Variants in STXBP5L observed in about 807,000 individuals in gnomAD.
The protein encoded by STXBP5L is syntaxin binding protein 5L.
STXBP5L carries 65 observed loss-of-function variants against 144.5 expected under a neutral mutation model. The ratio of observed to expected loss-of-function variants is 0.45; its 90% CI spans 0.37 to 0.55. The LOEUF (loss-of-function observed/expected upper bound fraction) is 0.55, where lower values mean the gene tolerates loss of function less well. Ranked by LOEUF, STXBP5L falls within the 20% of genes least tolerant of loss-of-function variation. The probability of loss-of-function intolerance (pLI) is 0.00; values close to 1 mark genes in which losing one functional copy is unlikely to be tolerated. For synonymous variants in STXBP5L, 505 were observed against 469.6 expected (o/e 1.08, Z -0.97); for missense variants, 1,298 against 1,405.5 (o/e 0.92, Z 1.22).
intron 9 of STXBP5L, among the ~76,000 whole-genome samples, chr3:121,161,839 G>C (rs1015632601): frequency 2.0e-5 from 3 of 152,038 alleles, no homozygotes; most frequent in African/African-American, 2.4e-5. Context: ...ATTTTGCTCA[G>C]AAGCAGGACA....
chr3:121,137,180 T>C (rs540183118), intron 7 of STXBP5L, among the ~76,000 whole-genome samples: 108 of 152,192 alleles, frequency 7.1e-4, no homozygotes, highest in Non-Finnish European at 7.4e-4. Flanking sequence ...CCTGATAACA[T>C]GCAATTTCCC....
intron 20 of STXBP5L, among the ~76,000 whole-genome samples, chr3:121,319,237 G>A (rs2043890527): frequency 6.6e-6 from 1 of 151,986 alleles, no homozygotes; most frequent in Non-Finnish European, 1.5e-5. Flanking sequence ...AAAATCATTA[G>A]GTATGTCTTT....
chr3:121,086,747 A>G (rs1273494196), intron 5 of STXBP5L, among the ~76,000 whole-genome samples: 2 of 152,072 alleles, frequency 1.3e-5, no homozygotes, highest in African/African-American at 2.4e-5. Context: ...ATGCTTAAAA[A>G]GTTTTGGATT....
At chr3:120,991,828 G>A (rs1036341728) in intron 3 of STXBP5L, among the ~76,000 whole-genome samples, 2 of 149,300 alleles carry the variant, frequency 1.3e-5, no homozygotes, top group Admixed American at 6.9e-5. Flanking sequence ...GGGGCAGGGG[G>A]GAGGGATAGC....
At chr3:121,365,623 AT>A (rs2045843975) in intron 20 of STXBP5L, among the ~76,000 whole-genome samples, 1 of 151,436 alleles carries the variant, frequency 6.6e-6, no homozygotes, top group Non-Finnish European at 1.5e-5. Flanking sequence ...TAATGTCCCC[AT>A]TTTCACTTCT....
At chr3:121,114,542 G>A (rs1439130551) in intron 5 of STXBP5L, among the ~76,000 whole-genome samples, 1 of 152,120 alleles carries the variant, frequency 6.6e-6, no homozygotes, top group Non-Finnish European at 1.5e-5. Flanking sequence ...AGTGAAAGAT[G>A]TTAATTTTGT....
At chr3:121,354,579 A>G (rs1224631174) in intron 20 of STXBP5L, among the ~76,000 whole-genome samples, 1 of 84,470 alleles carries the variant, frequency 1.2e-5, no homozygotes, top group Non-Finnish European at 2.2e-5. Flanking sequence ...TTTTTAGCTT[A>G]TGTGTGTCTT....
chr3:121,071,877 A>G (rs1450096355), intron 5 of STXBP5L, among the ~76,000 whole-genome samples: 2 of 152,212 alleles, frequency 1.3e-5, no homozygotes, highest in Non-Finnish European at 2.9e-5. Context: ...CATAGGGTGA[A>G]TACCCAGTTA....
intron 9 of STXBP5L, among the ~76,000 whole-genome samples, chr3:121,165,319 T>C (rs1009613073): frequency 3.3e-5 from 5 of 152,216 alleles, no homozygotes; most frequent in African/African-American, 1.2e-4. Context: ...ATGTTTTATC[T>C]GCATATATAT....
chr3:121,046,792 G>C (rs961082371), intron 5 of STXBP5L, among the ~76,000 whole-genome samples: 1 of 151,036 alleles, frequency 6.6e-6, no homozygotes, highest in Non-Finnish European at 1.5e-5. Context: ...TATTTCTTAT[G>C]TCAAAAAACC....
chr3:120,976,299 C>A (rs1406274785), intron 3 of STXBP5L, among the ~76,000 whole-genome samples: 1 of 152,128 alleles, frequency 6.6e-6, no homozygotes, highest in African/African-American at 2.4e-5. Flanking sequence ...AGGAATTTAT[C>A]CATTTTTCCT....
chr3:121,300,291 T>A (rs1169520481), intron 19 of STXBP5L, among the ~76,000 whole-genome samples: 5 of 151,914 alleles, frequency 3.3e-5, no homozygotes, highest in Non-Finnish European at 7.4e-5. Context: ...GTAAAGAAAA[T>A]TTTTAAAGCA....
At chr3:121,297,710 C>T (rs1280534690) in intron 19 of STXBP5L, among the ~76,000 whole-genome samples, 1 of 152,118 alleles carries the variant, frequency 6.6e-6, no homozygotes, top group African/African-American at 2.4e-5. Context: ...GCCAAAATCG[C>T]GCCACTGCAC....
intron 20 of STXBP5L, among the ~76,000 whole-genome samples, chr3:121,360,482 A>T (rs2045678673): frequency 6.6e-6 from 1 of 151,644 alleles, no homozygotes; most frequent in Admixed American, 6.6e-5. Flanking sequence ...TCCTTCTTTC[A>T]TTCCTGTCTT....
rs1425665362 is a variant in STXBP5L, at chr3:121,418,553, A to G, written c.3443A>G (p.His1148Arg). Reference protein sequence around the residue: ...TSAEAFSKHAHELMLKYKDKK... With the variant: ...TSAEAFSKHARELMLKYKDKK... Reference sequence around the variant, plus strand: ...GCAGAAGCATTTTCCAAACATGCACATGAGGTAAACTGCCTAAGTAAATAC... The same window carrying G: ...GCAGAAGCATTTTCCAAACATGCACGTGAGGTAAACTGCCTAAGTAAATAC... The change falls in exon 26 of 27, where the codon CAT (histidine) becomes CGT (arginine). Residue 1148 changes from histidine to arginine, a missense_variant. His to Arg is a conservative substitution (Grantham distance 29, BLOSUM62 0). Coordinates refer to ENST00000471454, the MANE Select transcript of STXBP5L (RefSeq NM_001308330.2). 1.2e-6 allele frequency: 2 copies of G among 1,613,740 alleles called. No homozygotes were observed. The highest frequency in any genetic ancestry group is 1.7e-6 in the Non-Finnish European group (2 of 1,179,894).
chr3:121,381,151 T>C (rs968639134), intron 21 of STXBP5L, 142 bp from the exon 22 acceptor site: 1 of 774,574 alleles, frequency 1.3e-6, no homozygotes, highest in Non-Finnish European at 1.9e-6. Flanking sequence ...GCTGGTGAAC[T>C]GGATAAGCTC....
chr3:120,927,800 C>G (rs1709714846), intron 2 of STXBP5L, among the ~76,000 whole-genome samples: 1 of 152,158 alleles, frequency 6.6e-6, no homozygotes, highest in African/African-American at 2.4e-5. Flanking sequence ...GGCAGTGAAA[C>G]AACTTTGGTT....
intron 3 of STXBP5L, among the ~76,000 whole-genome samples, chr3:121,019,519 C>T (rs1945392796): frequency 6.6e-6 from 1 of 152,156 alleles, no homozygotes; most frequent in Admixed American, 6.5e-5. Context: ...GAGTCCACTT[C>T]ACTCCCCTGC....
At chr3:120,963,882 G>C (rs1000352940) in intron 3 of STXBP5L, among the ~76,000 whole-genome samples, 10 of 152,138 alleles carry the variant, frequency 6.6e-5, no homozygotes, top group Admixed American at 1.3e-4. Flanking sequence ...GTAGTATTCT[G>C]CTTTGAATCC....
Sources: gnomAD v4.1 joint callset for allele counts (sites outside exome capture counted in the v4.1 genomes callset) on GRCh38, gnomAD v4.1.1 for gene constraint, MANE v1.5 for transcripts, NCBI Gene and HGNC (gene_info 2026-07-23, HGNC 2026-07-21) for gene names.